EYS: variants seen among roughly 807,000 people sequenced by gnomAD.
The protein encoded by EYS is protein eyes shut homolog.
In EYS, 250 loss-of-function variants were observed where a neutral mutation model predicts 282.1. The observed-to-expected ratio is 0.89, with a 90% CI of 0.80 to 0.98. The LOEUF (loss-of-function observed/expected upper bound fraction) is 0.98, where lower values mean the gene tolerates loss of function less well. Among genes scored for constraint, EYS ranks in the 50% least tolerant of loss-of-function variants. EYS has a pLI of 0.00. For synonymous variants in EYS, 1,355 were observed against 1,282.9 expected (o/e 1.06, Z -1.20); for missense variants, 4,016 against 3,709.0 (o/e 1.08, Z -2.15).
chr6:63,975,957 A>C (rs1197529978), intron 35 of EYS, among the ~76,000 whole-genome samples: 7 of 152,042 alleles, frequency 4.6e-5, no homozygotes, highest in African/African-American at 1.7e-4. Flanking sequence ...TAGGCGATAC[A>C]GTATGGTCTA....
chr6:63,743,693 AG>A (rs1769140194), intron 41 of EYS, among the ~76,000 whole-genome samples: 1 of 152,212 alleles, frequency 6.6e-6, no homozygotes, highest in South Asian at 2.1e-4. Flanking sequence ...AGGAAAGTAG[AG>A]GAGACTACAA....
At chr6:65,045,815 G>A (rs995687786) in intron 13 of EYS, among the ~76,000 whole-genome samples, 1 of 151,900 alleles carries the variant, frequency 6.6e-6, no homozygotes, top group East Asian at 1.9e-4. Flanking sequence ...GGCTAGGGAT[G>A]TAGCTGGTAG....
intron 12 of EYS, among the ~76,000 whole-genome samples, chr6:65,121,312 GA>G: frequency 6.6e-6 from 1 of 152,096 alleles, no homozygotes; most frequent in Non-Finnish European, 1.5e-5. Flanking sequence ...TTATACAGTT[GA>G]AAAAGGAGAC....
intron 12 of EYS, among the ~76,000 whole-genome samples, chr6:65,204,654 C>T (rs533507597): frequency 1.3e-5 from 2 of 151,724 alleles, no homozygotes; most frequent in African/African-American, 4.8e-5. Context: ...TACTAGCTAA[C>T]AAAACTATAA....
intron 11 of EYS, among the ~76,000 whole-genome samples, chr6:65,319,101 G>A (rs1277221306): frequency 6.9e-6 from 1 of 144,922 alleles, no homozygotes; most frequent in African/African-American, 2.6e-5. Context: ...TCTCAGGCCT[G>A]TAATCCCAGC....
chr6:65,622,900 A>G (rs1766570387), intron 2 of EYS, among the ~76,000 whole-genome samples: 1 of 151,950 alleles, frequency 6.6e-6, no homozygotes, highest in Non-Finnish European at 1.5e-5. Flanking sequence ...TGGAACTATA[A>G]GCATGCACAA....
At chr6:65,627,405 T>C (rs907476270) in intron 2 of EYS, among the ~76,000 whole-genome samples, 1 of 152,176 alleles carries the variant, frequency 6.6e-6, no homozygotes, top group Non-Finnish European at 1.5e-5. Flanking sequence ...GTGCCTCCTC[T>C]GCCTGGGCTC....
Position 64,307,059 on chromosome 6 carries a change from AAAATTCT to A in EYS, c.6095_6101del (p.Lys2032IlefsTer5). On this transcript the variant is annotated frameshift_variant, in exon 30 of 43. Coordinates refer to ENST00000503581, the MANE Select transcript of EYS (RefSeq NM_001142800.2). LOFTEE classifies it high-confidence loss of function. ...TTTCTATAACTTCTATGCAGCCAGT[AAAATTCT>A]TGACTGGTACAGGCATCTGAGAGAG... is the stretch of plus-strand genomic sequence containing the variant. 6.6e-7 allele frequency: 1 copy of A among 1,521,412 alleles called. No homozygotes were observed. The highest frequency in any genetic ancestry group is 8.9e-7 in the Non-Finnish European group (1 of 1,121,476). The allele number at this position is 1,521,412 out of a possible 1,614,324, so 94.2% of individuals were successfully genotyped here.
intron 36 of EYS, among the ~76,000 whole-genome samples, chr6:63,839,543 C>T (rs1389162611): frequency 1.3e-5 from 2 of 152,060 alleles, no homozygotes; most frequent in Non-Finnish European, 2.9e-5. Context: ...GAAACAGGGT[C>T]TCACTATATG....
At chr6:64,130,365 C>A (rs1428513342) in intron 31 of EYS, among the ~76,000 whole-genome samples, 1 of 152,130 alleles carries the variant, frequency 6.6e-6, no homozygotes, top group Admixed American at 6.5e-5. Context: ...TCCTTCTCAG[C>A]AAACTGTCAC....
chr6:64,011,521 T>C (rs1407613089), intron 33 of EYS, among the ~76,000 whole-genome samples: 1 of 152,148 alleles, frequency 6.6e-6, no homozygotes, highest in Non-Finnish European at 1.5e-5. Context: ...GCTATAGGCA[T>C]TTGAATGCAT....
intron 19 of EYS, among the ~76,000 whole-genome samples, chr6:64,881,059 T>A (rs1766902755): frequency 2.6e-5 from 4 of 151,686 alleles, no homozygotes; most frequent in African/African-American, 9.7e-5. Context: ...CCTGAATCAA[T>A]TCAGAATTTA....
chr6:63,744,609 C>A, intron 41 of EYS: 1 of 152,796 alleles, frequency 6.5e-6, no homozygotes, highest in Non-Finnish European at 1.5e-5. Flanking sequence ...GCTCTGTCAC[C>A]CATGTTGGAG....
chr6:64,690,407 G>T (rs1770335816), intron 22 of EYS, among the ~76,000 whole-genome samples: 1 of 152,140 alleles, frequency 6.6e-6, no homozygotes, highest in Admixed American at 6.5e-5. Context: ...AACCATCGTG[G>T]AAGACAGTGT....
intron 36 of EYS, among the ~76,000 whole-genome samples, chr6:63,831,528 A>G (rs1771638089): frequency 6.6e-6 from 1 of 152,236 alleles, no homozygotes; most frequent in Admixed American, 6.5e-5. Flanking sequence ...TCCTAAATAT[A>G]TATATGCACC....
chr6:64,891,555 C>T lies in EYS; in HGVS notation c.2847-4713G>A, dbSNP rs186430033. On this transcript the variant is annotated intron_variant, in intron 18 of 42. Transcript: ENST00000503581. ...CTGAAAAGATCCTCATCAAATTTTT[C>T]CCCTCCTGGCCTCTGGCTATAGTGT... Among the ~76,000 whole-genome samples, 831 of 152,114 alleles carry T rather than the reference C, an allele frequency of 5.5e-3. 19 individuals are homozygous for T. The highest frequency in any genetic ancestry group is 0.027 in the Middle Eastern group (8 of 294).
intron 12 of EYS, among the ~76,000 whole-genome samples, chr6:65,272,727 A>C (rs1311667961): frequency 1.3e-5 from 2 of 152,188 alleles, no homozygotes; most frequent in Non-Finnish European, 2.9e-5. Flanking sequence ...TGAATACATT[A>C]ATGTTATATT....
chr6:64,384,910 T>C (rs1193680160), intron 29 of EYS, among the ~76,000 whole-genome samples: 1 of 152,166 alleles, frequency 6.6e-6, no homozygotes, highest in Non-Finnish European at 1.5e-5. Context: ...GGGACTCTTA[T>C]CATGTGGAGG....
intron 26 of EYS, among the ~76,000 whole-genome samples, chr6:64,496,998 G>A (rs977912822): frequency 6.6e-6 from 1 of 151,898 alleles, no homozygotes; most frequent in Admixed American, 6.6e-5. Context: ...TCCTAATATT[G>A]TGATTTTATC....
Sources: allele counts gnomAD v4.1 joint callset (sites outside exome capture counted in the v4.1 genomes callset), GRCh38; gene constraint gnomAD v4.1.1; transcripts MANE v1.5; gene names NCBI Gene and HGNC (gene_info 2026-07-23, HGNC 2026-07-21).